CCDC148: variants seen among roughly 807,000 people sequenced by gnomAD.
CCDC148 encodes coiled-coil domain-containing protein 148.
CCDC148 carries 89 observed loss-of-function variants against 85.7 expected under a neutral mutation model. The observed-to-expected ratio is 1.04, with a 90% CI of 0.87 to 1.24. The LOEUF is 1.24. Among genes scored for constraint, CCDC148 ranks in the 50% most tolerant of loss-of-function variants. The pLI is 0.00. For synonymous variants in CCDC148, 230 were observed against 213.9 expected, an observed-to-expected ratio of 1.08 and a Z score of -0.66; for missense variants, 692 against 671.7, an observed-to-expected ratio of 1.03 and a Z score of -0.33.
intron 8 of CCDC148, among the ~76,000 whole-genome samples, chr2:158,311,039 A>T (rs1317837647): frequency 6.6e-6 from 1 of 152,082 alleles, no homozygotes; most frequent in Non-Finnish European, 1.5e-5. Context: ...ACGGGTGGCC[A>T]GGCAGACGCT....
intron 11 of CCDC148, among the ~76,000 whole-genome samples, chr2:158,197,720 C>A (rs1685746958): frequency 6.6e-6 from 1 of 152,062 alleles, no homozygotes. Context: ...TATGTGCAAC[C>A]TCCTGGTAAT....
At chr2:158,284,412 G>T (rs1690515452) in intron 9 of CCDC148, among the ~76,000 whole-genome samples, 1 of 152,108 alleles carries the variant, frequency 6.6e-6, no homozygotes, top group African/African-American at 2.4e-5. Context: ...TAACAAGATG[G>T]TGAGGAACGA....
intron 2 of CCDC148, among the ~76,000 whole-genome samples, chr2:158,351,497 T>C (rs866899211): frequency 2.8e-4 from 42 of 151,710 alleles, no homozygotes; most frequent in South Asian, 1.3e-3. Flanking sequence ...CACTCCCACC[T>C]GAATACTGCG....
At chr2:158,331,372 T>C (rs1002312755) in intron 7 of CCDC148, among the ~76,000 whole-genome samples, 2 of 152,196 alleles carry the variant, frequency 1.3e-5, no homozygotes, top group East Asian at 1.9e-4. Context: ...GTCTGAGAGA[T>C]AGTTTGTTAT....
chr2:158,375,413 T>C (rs1473547064), intron 1 of CCDC148, among the ~76,000 whole-genome samples: 3 of 152,146 alleles, frequency 2.0e-5, no homozygotes, highest in Non-Finnish European at 4.4e-5. Flanking sequence ...ATGCATTGTC[T>C]TTCTCTTGAT....
chr2:158,348,069 C>T (rs949083264), intron 2 of CCDC148, among the ~76,000 whole-genome samples: 2 of 152,084 alleles, frequency 1.3e-5, no homozygotes, highest in African/African-American at 4.8e-5. Flanking sequence ...TTTGGAGATG[C>T]ATCACAAGAT....
chr2:158,177,923 C>T (rs1684676008), intron 12 of CCDC148: 1 of 152,002 alleles, frequency 6.6e-6, no homozygotes, highest in Non-Finnish European at 1.5e-5. Flanking sequence ...TTAATATTGC[C>T]CACGTCATAA....
chr2:158,352,600 T>C (rs1328221852), intron 2 of CCDC148, among the ~76,000 whole-genome samples: 7 of 152,224 alleles, frequency 4.6e-5, no homozygotes, highest in South Asian at 2.1e-4. Context: ...CTACGTCTGA[T>C]TGGTGTACCT....
chr2:158,240,930 A>C (rs1409460189), intron 10 of CCDC148, among the ~76,000 whole-genome samples: 3 of 152,182 alleles, frequency 2.0e-5, no homozygotes, highest in Non-Finnish European at 4.4e-5. Flanking sequence ...TAGCAAAACT[A>C]ATCACTTCTG....
rs747878123 is a variant in CCDC148, at chr2:158,345,309, C to T, written c.157G>A (p.Ala53Thr). The T allele has an allele frequency of 3.3e-5, 53 of 1,610,904 alleles. 1 individual carries two copies. In the South Asian group the frequency reaches 5.8e-4, roughly 18 times the overall value. Residue 53 changes from alanine (A) to threonine (T), a missense_variant, in exon 3 of 14, where the codon GCA becomes ACA. Ala to Thr is a moderately conservative substitution (Grantham distance 58). Coordinates refer to ENST00000283233, the MANE Select transcript of CCDC148 (RefSeq NM_138803.4). ...TTGGATAACTTTGAAGTCAACATTGCTTTTCTGATCTAGATTTAGAGGAAC... is the reference window on the plus strand; with the variant it reads ...TTGGATAACTTTGAAGTCAACATTGTTTTTCTGATCTAGATTTAGAGGAAC... ...SASAKLKIRK[A>T]MLTSKLSKEQ...
chr2:158,268,135 G>C (rs1376242958), intron 9 of CCDC148, among the ~76,000 whole-genome samples: 1 of 152,164 alleles, frequency 6.6e-6, no homozygotes, highest in Non-Finnish European at 1.5e-5. Context: ...AGTCGTACAT[G>C]TTTAACTTTA....
intron 1 of CCDC148, chr2:158,366,163 T>A: frequency 9.7e-7 from 1 of 1,032,364 alleles, no homozygotes; most frequent in Non-Finnish European, 1.4e-6. Flanking sequence ...TTTTTAAAAG[T>A]AAGACCCAGG....
At chr2:158,234,309 T>A (rs1687996315) in intron 10 of CCDC148, among the ~76,000 whole-genome samples, 4 of 152,132 alleles carry the variant, frequency 2.6e-5, no homozygotes, top group African/African-American at 7.2e-5. Flanking sequence ...TTGGCAACCA[T>A]CCTGCCTGGT....
chr2:158,232,301 T>C (rs1234363786), intron 10 of CCDC148, among the ~76,000 whole-genome samples: 1 of 152,154 alleles, frequency 6.6e-6, no homozygotes, highest in East Asian at 1.9e-4. Context: ...CTGTAGAAAC[T>C]ATTCACCATA....
chr2:158,216,711 C>G (rs1355006574), intron 11 of CCDC148, among the ~76,000 whole-genome samples: 1 of 152,114 alleles, frequency 6.6e-6, no homozygotes, highest in Non-Finnish European at 1.5e-5. Context: ...AATGTGCCAG[C>G]ATGGTTAGGT....
At chr2:158,453,117 C>T (rs1688470414) in intron 1 of CCDC148, among the ~76,000 whole-genome samples, 1 of 152,200 alleles carries the variant, frequency 6.6e-6, no homozygotes, top group African/African-American at 2.4e-5. Context: ...TAAATATTGG[C>T]TTTTCTTAGT....
intron 1 of CCDC148, among the ~76,000 whole-genome samples, chr2:158,436,049 T>G (rs917187943): frequency 1.3e-5 from 2 of 152,162 alleles, no homozygotes; most frequent in Non-Finnish European, 2.9e-5. Context: ...CACCCCACTG[T>G]CAACATCAGA....
chr2:158,193,522 G>A (rs564924624), intron 11 of CCDC148, among the ~76,000 whole-genome samples: 6 of 151,776 alleles, frequency 4.0e-5, no homozygotes, highest in Non-Finnish European at 7.4e-5. Flanking sequence ...CTCTAGAAAC[G>A]TTTAGCGCAT....
chr2:158,392,928 A>G (rs1265759061), intron 1 of CCDC148, among the ~76,000 whole-genome samples: 4 of 152,132 alleles, frequency 2.6e-5, no homozygotes, highest in Non-Finnish European at 5.9e-5. Context: ...GTAGCAGTAT[A>G]GAGGAGTCAG....
Sources: gnomAD v4.1 joint callset for allele counts (sites outside exome capture counted in the v4.1 genomes callset) on GRCh38, gnomAD v4.1.1 for gene constraint, MANE v1.5 for transcripts, NCBI Gene and HGNC (gene_info 2026-07-23, HGNC 2026-07-21) for gene names.